The following CELF2 variants were observed in gnomAD, a reference collection of about 807,000 sequenced individuals.
The protein encoded by CELF2 is CUGBP Elav-like family member 2, also known as CUG triplet repeat RNA-binding protein 2.
Under a neutral mutation model 62.6 loss-of-function variants are expected in CELF2, and 8 were observed. That is an observed-to-expected ratio of 0.13 (90% CI 0.07 to 0.23). The LOEUF is 0.23. CELF2 is among the 10% of genes least tolerant of loss of function. The pLI, the probability that CELF2 is intolerant of heterozygous loss-of-function variation, is 1.00. For synonymous variants in CELF2, 258 were observed against 250.0 expected (o/e 1.03, Z -0.30); for missense variants, 333 against 671.0 (o/e 0.50, Z 5.56).
intron 8 of CELF2, among the ~76,000 whole-genome samples, chr10:11,284,435 A>G (rs1230318505): frequency 3.6e-5 from 5 of 140,238 alleles, no homozygotes; most frequent in Non-Finnish European, 7.6e-5. Flanking sequence ...TGGATGATGG[A>G]TGAGTGTGTG....
At chr10:10,629,067 C>T in the CELF2 span, among the ~76,000 whole-genome samples, 888 of 152,258 alleles carry the variant, frequency 5.8e-3, 16 homozygotes, top group African/African-American at 0.021. Context: ...AGAGTTCATT[C>T]ATGTAGAATC....
In CELF2 at chr10:11,011,744, C is replaced by T. The variant is rs2056502574; in HGVS notation, c.53+6304C>T. ...TTTTTCCTAAAGGCTTTGGGTAGTT[C>T]TTTTAAGAGAAAGAAAAAAAATTTC... On this transcript the variant is annotated intron_variant, in intron 1 of 12. Transcript: ENST00000416382. This position sits in a 1 kb window ranked among gnomAD's most constrained non-coding sequence, Gnocchi z 4.6. 6.6e-6 allele frequency among the ~76,000 whole-genome samples: 1 copy of T among 151,704 alleles called. No individual in the cohort carries two copies. The highest frequency in any genetic ancestry group is 1.5e-5 in the Non-Finnish European group (1 of 67,972).
chr10:10,644,434 C>T, the CELF2 span, among the ~76,000 whole-genome samples: 1 of 147,326 alleles, frequency 6.8e-6, no homozygotes, highest in African/African-American at 2.5e-5. Flanking sequence ...TGTGTTTGCA[C>T]TTCAGAGCTT....
intron 2 of CELF2, among the ~76,000 whole-genome samples, chr10:11,208,915 C>T (rs898056578): frequency 6.6e-6 from 1 of 152,130 alleles, no homozygotes; most frequent in Non-Finnish European, 1.5e-5. Context: ...TTTGTGATTC[C>T]ACAGGAAAGG....
chr10:11,143,160 G>A (rs991389589), intron 1 of CELF2, among the ~76,000 whole-genome samples: 2 of 152,190 alleles, frequency 1.3e-5, no homozygotes, highest in Admixed American at 6.5e-5. Context: ...TTGTGTGCCT[G>A]TAATGGACAC....
chr10:10,789,620 A>G, the CELF2 span, among the ~76,000 whole-genome samples: 5 of 152,302 alleles, frequency 3.3e-5, no homozygotes, highest in Admixed American at 2.6e-4. Flanking sequence ...ACCTCATTGT[A>G]TCATTACATA....
intron 9 of CELF2, among the ~76,000 whole-genome samples, chr10:11,310,505 G>T (rs933692583): frequency 2.6e-4 from 40 of 152,164 alleles, no homozygotes; most frequent in African/African-American, 9.4e-4. Context: ...ACTTTAAGTG[G>T]TTGGTTTTTA....
At chr10:10,776,209 C>T in the CELF2 span, 2 of 153,362 alleles carry the variant, frequency 1.3e-5, no homozygotes, top group Admixed American at 6.5e-5. Context: ...CAGTTTCAAA[C>T]GTTTCACTGC....
In CELF2 at chr10:10,839,374, T is replaced by C. The variant is rs761965835; in HGVS notation, c.53+40557T>C. The stretch of plus-strand genomic sequence containing the variant: ...TCTTCAGCTCTATTCCATTACCTTC[T>C]CTCCCTGTTTATCTGGAAACTCCCA... On this transcript the variant is annotated intron_variant, in intron 1 of 13. Coordinates refer to the CELF2 transcript ENST00000636488. Among the ~76,000 whole-genome samples the C allele has an allele frequency of 1.7e-4, 26 of 152,182 alleles. 1 individual carries two copies. The highest frequency in any genetic ancestry group is 3.1e-4 in the Non-Finnish European group (21 of 68,034).
the CELF2 span, among the ~76,000 whole-genome samples, chr10:10,656,615 G>A: frequency 5.3e-4 from 68 of 128,350 alleles, 4 homozygotes; most frequent in African/African-American, 1.6e-3. Context: ...GTAAACTATC[G>A]CAAGAACAAA....
the CELF2 span, among the ~76,000 whole-genome samples, chr10:10,723,935 T>C: frequency 4.6e-5 from 7 of 152,142 alleles, no homozygotes; most frequent in Non-Finnish European, 1.0e-4. Flanking sequence ...GCAACTATGA[T>C]TATTTCATCT....
chr10:11,065,597 C>G (rs1476564496), intron 1 of CELF2, among the ~76,000 whole-genome samples: 1 of 152,116 alleles, frequency 6.6e-6, no homozygotes, highest in African/African-American at 2.4e-5. Context: ...TGGTTTTCCT[C>G]TTTGAACCAA....
At position 11,233,383 on chromosome 10, in the gene CELF2, G is replaced by A. The variant is rs149145127; in HGVS notation, c.355-15770G>A. Among the ~76,000 whole-genome samples, 203 of 152,240 alleles carry A rather than the reference G, an allele frequency of 1.3e-3. 1 individual carries two copies. The highest frequency in any genetic ancestry group is 4.6e-3 in the Admixed American group (70 of 15,292). ...TGCCCTTTAAACACTGACATGCCCC[G>A]AGTTCTGTTTTCACTGCTTTCTTCT... On this transcript the variant is annotated intron_variant, in intron 3 of 12. Transcript: ENST00000633077.
At chr10:10,724,236 A>T in the CELF2 span, among the ~76,000 whole-genome samples, 1 of 152,162 alleles carries the variant, frequency 6.6e-6, no homozygotes, top group African/African-American at 2.4e-5. Context: ...CTCTTCTAGG[A>T]TGGACAAATT....
chr10:11,216,126 C>G (rs1355401599), intron 2 of CELF2, among the ~76,000 whole-genome samples: 1 of 152,188 alleles, frequency 6.6e-6, no homozygotes, highest in East Asian at 1.9e-4. Context: ...TGGAGTTTTT[C>G]AAATGCCAAG....
intron 1 of CELF2, among the ~76,000 whole-genome samples, chr10:10,875,976 A>G (rs943448757): frequency 6.6e-6 from 1 of 152,154 alleles, no homozygotes. Flanking sequence ...GAGAAAACCT[A>G]CCTACAGGGA....
chr10:11,280,982 CTG>C lies in CELF2; in HGVS notation c.841+5867_841+5868del, dbSNP rs541295992. On this transcript the variant is annotated intron_variant, in intron 8 of 12. Transcript: ENST00000633077. This position sits in a 1 kb window ranked among gnomAD's most constrained non-coding sequence, Gnocchi z 7.6. ...CTGATGCTGGCGTGCGTGTGCATGC[CTG>C]TGTGCGTGTGTGTGTGTGTGTGTGT... Among the ~76,000 whole-genome samples the C allele has an allele frequency of 7.4e-3, 891 of 119,874 alleles. 9 individuals carry two copies. The highest frequency in any genetic ancestry group is 0.032 in the African/African-American group (859 of 27,112). 78.6% of individuals were successfully genotyped at this position (119,874 alleles called of 152,430 possible).
At chr10:10,533,603 G>A in the CELF2 span, among the ~76,000 whole-genome samples, 1 of 152,212 alleles carries the variant, frequency 6.6e-6, no homozygotes, top group Non-Finnish European at 1.5e-5. Flanking sequence ...GTTTGAATCT[G>A]GACTTTGCAG....
chr10:10,878,759 GA>G (rs1468643243), intron 1 of CELF2, among the ~76,000 whole-genome samples: 2 of 151,976 alleles, frequency 1.3e-5, no homozygotes, highest in East Asian at 3.9e-4. Flanking sequence ...TGTTTACGAC[GA>G]AAACATGATT....
Sources: allele counts gnomAD v4.1 joint callset (sites outside exome capture counted in the v4.1 genomes callset), GRCh38; gene constraint gnomAD v4.1.1; non-coding constraint Gnocchi (gnomAD v3.1); transcripts MANE v1.5; gene names NCBI Gene and HGNC (gene_info 2026-07-23, HGNC 2026-07-21).